The following ZSWIM6 variants were observed in gnomAD, a reference collection of about 807,000 sequenced individuals.
ZSWIM6 encodes zinc finger SWIM-type containing 6.
In ZSWIM6, 9 loss-of-function variants were observed where a neutral mutation model predicts 113.2. The ratio of observed to expected loss-of-function variants is 0.08; its 90% CI spans 0.05 to 0.14. The LOEUF is 0.14. Among genes scored for constraint, ZSWIM6 ranks in the 10% least tolerant of loss-of-function variants. The pLI is 1.00. For synonymous variants in ZSWIM6, 611 were observed against 606.5 expected, an observed-to-expected ratio of 1.01 and a Z score of -0.11; for missense variants, 1,162 against 1,552.2, an observed-to-expected ratio of 0.75 and a Z score of 4.22.
chr5:61,430,126 A>T (rs1244309093), intron 1 of ZSWIM6, among the ~76,000 whole-genome samples: 2 of 152,154 alleles, frequency 1.3e-5, no homozygotes, highest in Non-Finnish European at 2.9e-5. Context: ...TAATCCTGAG[A>T]GAACTCTGAC....
chr5:61,332,948 G>A lies in ZSWIM6; in HGVS notation c.676G>A (p.Gly226Ser). The A allele has an allele frequency of 1.5e-6, 2 of 1,345,542 alleles. No individual in the cohort carries two copies. The highest frequency in any genetic ancestry group is 1.6e-5 in the South Asian group (1 of 61,826). 83.4% of individuals were successfully genotyped at this position (1,345,542 alleles called of 1,614,324 possible). A position where few individuals can be genotyped will look rare whatever the true frequency, so the allele number is the denominator to read the frequency against. The change falls in exon 1 of 14, where the codon GGT becomes AGT. Residue 226 changes from glycine to serine, a missense_variant and splice_region_variant. Transcript: ENST00000252744. ...CTGCGTAGACAACGTCCTGCAAGTC[G>A]GTGAGTCACGGGGCAGCCGCGAGCC... Reference protein sequence around the residue: ...SGCVDNVLQVGFHLSGTVTEP... With the variant: ...SGCVDNVLQVSFHLSGTVTEP...
chr5:61,521,591 T>G (rs1237129895), intron 5 of ZSWIM6, 149 bp downstream of exon 5: 15 of 517,600 alleles, frequency 2.9e-5, no homozygotes, highest in Non-Finnish European at 3.4e-5. Flanking sequence ...ACTGTGAGTG[T>G]ATGTGTGTCT....
chr5:61,438,060 T>C (rs954667113), intron 1 of ZSWIM6, among the ~76,000 whole-genome samples: 5 of 152,200 alleles, frequency 3.3e-5, no homozygotes, highest in Non-Finnish European at 5.9e-5. Context: ...TAATTTATAT[T>C]ATGAGGACCA....
chr5:61,361,938 A>G (rs191127327), intron 1 of ZSWIM6, among the ~76,000 whole-genome samples: 1 of 152,316 alleles, frequency 6.6e-6, no homozygotes, highest in East Asian at 1.9e-4. Context: ...ACAAACCTAA[A>G]ATGATTAACC....
At chr5:61,407,824 T>TGA (rs1247460850) in intron 1 of ZSWIM6, among the ~76,000 whole-genome samples, 1 of 152,200 alleles carries the variant, frequency 6.6e-6, no homozygotes, top group Non-Finnish European at 1.5e-5. Flanking sequence ...AAAATAAGCT[T>TGA]GAGAGAGAGC....
At chr5:61,398,921 T>G (rs1745892961) in intron 1 of ZSWIM6, among the ~76,000 whole-genome samples, 2 of 135,320 alleles carry the variant, frequency 1.5e-5, no homozygotes, top group Non-Finnish European at 3.2e-5. Context: ...TGTTTTTTTT[T>G]TTTTTTTTTT....
At chr5:61,466,402 T>C (rs1314808657) in intron 1 of ZSWIM6, among the ~76,000 whole-genome samples, 1 of 152,188 alleles carries the variant, frequency 6.6e-6, no homozygotes, top group East Asian at 1.9e-4. Context: ...TTGCCACCCT[T>C]TCAGCCATAA....
chr5:61,390,558 A>G, intron 1 of ZSWIM6: 1 of 520,824 alleles, frequency 1.9e-6, no homozygotes, highest in Non-Finnish European at 3.5e-6. Flanking sequence ...ACAAAAGTTA[A>G]AACTTTTGTG....
At chr5:61,469,372 A>G (rs1554036675) in intron 1 of ZSWIM6, among the ~76,000 whole-genome samples, 1 of 152,248 alleles carries the variant, frequency 6.6e-6, no homozygotes, top group Non-Finnish European at 1.5e-5. Context: ...ATGAACATTC[A>G]TAAAACACCG....
intron 1 of ZSWIM6, among the ~76,000 whole-genome samples, chr5:61,392,104 G>C (rs1745729486): frequency 6.6e-6 from 1 of 152,194 alleles, no homozygotes. Flanking sequence ...TTGATAGGGT[G>C]GCTGGAGTGT....
intron 1 of ZSWIM6, among the ~76,000 whole-genome samples, chr5:61,422,671 A>G (rs1746378040): frequency 6.6e-6 from 1 of 152,180 alleles, no homozygotes; most frequent in Non-Finnish European, 1.5e-5. Flanking sequence ...GGACATTTTA[A>G]CAATATTGAT....
chr5:61,513,937 C>T (rs550150230), intron 4 of ZSWIM6, among the ~76,000 whole-genome samples: 6 of 152,008 alleles, frequency 3.9e-5, no homozygotes, highest in Non-Finnish European at 7.4e-5. Context: ...TTTGGCTATT[C>T]ATTCTATTGC....
intron 1 of ZSWIM6, among the ~76,000 whole-genome samples, chr5:61,436,854 TATA>T (rs2112142044): frequency 6.6e-6 from 1 of 152,340 alleles, no homozygotes; most frequent in East Asian, 1.9e-4. Flanking sequence ...CTTTCCAGGT[TATA>T]ATGATTTTCA....
chr5:61,542,902 T>C (rs1460885224), intron 13 of ZSWIM6, among the ~76,000 whole-genome samples: 3 of 152,228 alleles, frequency 2.0e-5, no homozygotes, highest in African/African-American at 7.2e-5. Context: ...ATTGGGTCTG[T>C]GAACGTAAAG....
At position 61,545,403 on chromosome 5, in the gene ZSWIM6, A is replaced by G. The variant is rs1287810174; in HGVS notation, c.*1086A>G. 2 of 152,130 alleles carry G rather than the reference A, an allele frequency of 1.3e-5. No homozygotes were observed. The highest frequency in any genetic ancestry group is 1.9e-4 in the East Asian group (1 of 5,200). The allele number at this position is 152,130 out of a possible 1,614,324, so 9.4% of individuals were successfully genotyped here. On this transcript the variant is annotated 3_prime_UTR_variant, in exon 14 of 14. Transcript: ENST00000252744. ...CAGCAAGCCTTAGCATTAAGAATAT[A>G]CAATATGCCGGAATTGGGGTTCGTG...
intron 1 of ZSWIM6, chr5:61,391,598 A>T: frequency 1.1e-6 from 1 of 907,282 alleles, no homozygotes; most frequent in Non-Finnish European, 1.9e-6. Flanking sequence ...GTTTCCACGA[A>T]GCCCACAATG....
At chr5:61,505,619 CT>C (rs1748582309) in intron 4 of ZSWIM6, among the ~76,000 whole-genome samples, 1 of 68,544 alleles carries the variant, frequency 1.5e-5, no homozygotes. Flanking sequence ...TCCTTCCTTC[CT>C]TCCTTCCTTC....
chr5:61,539,194 T>C lies in ZSWIM6; in HGVS notation c.2539+223T>C, dbSNP rs2276987. The stretch of plus-strand genomic sequence containing the variant: ...GCAGAGTTCAGGTTAGTTACCATGC[T>C]AAGAAAATATAAATGGTTGAAATTC... On this transcript the variant is annotated intron_variant, in intron 11 of 13. Coordinates refer to ENST00000252744, the MANE Select transcript of ZSWIM6 (RefSeq NM_020928.2). Among the ~76,000 whole-genome samples, 58,316 of 152,052 alleles carry C rather than the reference T, an allele frequency of 0.38. 11,329 individuals carry two copies. The highest frequency in any genetic ancestry group is 0.45 in the South Asian group (2,179 of 4,822).
rs1749817663 is a variant in ZSWIM6, at chr5:61,544,068, G to A, written c.3399G>A (p.Leu1133=). ...GRRNSGKLMS[L]DKAPLRQLLD... The stretch of plus-strand genomic sequence containing the variant: ...GGAACTCTGGTAAGCTCATGTCACT[G>A]GACAAAGCCCCCTTGAGGCAACTCT... The change falls in exon 14 of 14, where the codon CTG becomes CTA. Residue 1133 remains leucine, a synonymous_variant. Coordinates refer to ENST00000252744, the MANE Select transcript of ZSWIM6 (RefSeq NM_020928.2). 2 of 1,552,014 alleles carry A rather than the reference G, an allele frequency of 1.3e-6. No individual in the cohort carries two copies. The highest frequency in any genetic ancestry group is 1.7e-6 in the Non-Finnish European group (2 of 1,147,060).
Sources: allele counts gnomAD v4.1 joint callset (sites outside exome capture counted in the v4.1 genomes callset), GRCh38; gene constraint gnomAD v4.1.1; transcripts MANE v1.5; gene names NCBI Gene and HGNC (gene_info 2026-07-23, HGNC 2026-07-21).